LAMA3: variants seen among roughly 807,000 people sequenced by gnomAD.
LAMA3 encodes laminin subunit alpha-3.
LAMA3 carries 281 observed loss-of-function variants against 402.0 expected under a neutral mutation model. That is an observed-to-expected ratio of 0.70 (90% CI 0.63 to 0.77). The LOEUF (loss-of-function observed/expected upper bound fraction) is 0.77, where lower values mean the gene tolerates loss of function less well. Ranked by LOEUF, LAMA3 falls within the 30% of genes least tolerant of loss-of-function variation. The pLI is 0.00. For synonymous variants in LAMA3, 1,431 were observed against 1,558.4 expected (o/e 0.92, Z 1.93); for missense variants, 3,840 against 4,215.5 (o/e 0.91, Z 2.47).
intron 20 of LAMA3, among the ~76,000 whole-genome samples, chr18:23,823,762 G>A (rs2063330378): frequency 6.6e-6 from 1 of 152,188 alleles, no homozygotes; most frequent in Non-Finnish European, 1.5e-5. Context: ...AGATGCAATA[G>A]TTTATTTCTT....
chr18:23,945,669 A>G (rs1441577467), intron 69 of LAMA3, among the ~76,000 whole-genome samples: 1 of 152,184 alleles, frequency 6.6e-6, no homozygotes, highest in Non-Finnish European at 1.5e-5. Flanking sequence ...CCCAGGGATC[A>G]GAAATTTTAG....
At chr18:23,827,499 A>G (rs1018388472) in intron 23 of LAMA3, 32 bp downstream of exon 23, 57 of 1,609,440 alleles carry the variant, frequency 3.5e-5, no homozygotes, top group Non-Finnish European at 4.7e-5. Context: ...TATCAAAGTT[A>G]TTACTACCTC....
intron 39 of LAMA3, 78 bp from the exon 40 acceptor site, chr18:23,881,858 G>A: frequency 2.2e-6 from 2 of 918,682 alleles, no homozygotes; most frequent in African/African-American, 1.6e-5. Flanking sequence ...GTAGTCATGT[G>A]ACTAAGTAAG....
chr18:23,879,670 T>C lies in LAMA3; in HGVS notation c.5113-2266T>C, dbSNP rs1213221801. On this transcript the variant is annotated intron_variant, in intron 39 of 74. Transcript: ENST00000313654. The surrounding 1 kb of genome is among the most constrained non-coding windows in gnomAD (Gnocchi z 4.2). ...CTTCTGCAGCATTCGTTCATTTATT[T>C]ATTCACAGTAAAACACAAGGAACCT... is the stretch of plus-strand genomic sequence containing the variant. 6.6e-6 allele frequency among the ~76,000 whole-genome samples: 1 copy of C among 152,232 alleles called. No individual in the cohort carries two copies. Among genetic ancestry groups the C allele is most frequent in the African/African-American group, 2.4e-5 (1 of 41,466 alleles).
chr18:23,768,090 A>C (rs2062115673), intron 8 of LAMA3, among the ~76,000 whole-genome samples: 1 of 152,124 alleles, frequency 6.6e-6, no homozygotes. Flanking sequence ...TTTATGGCTA[A>C]GTTCTCAAAA....
intron 8 of LAMA3, among the ~76,000 whole-genome samples, chr18:23,770,433 A>G (rs2062170749): frequency 6.6e-6 from 1 of 152,240 alleles, no homozygotes; most frequent in Admixed American, 6.5e-5. Flanking sequence ...ACTTGACAAA[A>G]GTAGATATAT....
Position 23,844,920 on chromosome 18 carries a change from C to T in LAMA3, c.3604-89C>T, listed in dbSNP as rs887526097. 2.2e-5 allele frequency: 17 copies of T among 786,370 alleles called. No homozygotes were observed. The Admixed American group carries it at 2.7e-4, about 12-fold the overall frequency. 48.7% of individuals were successfully genotyped at this position (786,370 alleles called of 1,614,324 possible). A position where few individuals can be genotyped will look rare whatever the true frequency, so the allele number is the denominator to read the frequency against. On this transcript the variant is annotated intron_variant, in intron 29 of 74. Transcript: ENST00000313654. Reference sequence around the variant, plus strand: ...GAAGCATTTCAGATTTTGGATTTTTCGAGTAGGGGTGCTCAACCTGTATAA... The same window carrying T: ...GAAGCATTTCAGATTTTGGATTTTTTGAGTAGGGGTGCTCAACCTGTATAA...
At chr18:23,878,743 A>T (rs1445598159) in intron 39 of LAMA3, among the ~76,000 whole-genome samples, 1 of 152,226 alleles carries the variant, frequency 6.6e-6, no homozygotes, top group Non-Finnish European at 1.5e-5. Flanking sequence ...TAACATCAGG[A>T]CCTTCACCCA....
At position 23,755,233 on chromosome 18, in the gene LAMA3, C is replaced by T. The variant is rs539046751; in HGVS notation, c.947+1421C>T. Among the ~76,000 whole-genome samples, 12 of 152,296 alleles carry T rather than the reference C, an allele frequency of 7.9e-5. 1 individual carries two copies. The South Asian group carries it at 2.3e-3, about 29-fold the overall frequency. On this transcript the variant is annotated intron_variant, in intron 6 of 74. Coordinates refer to ENST00000313654, the MANE Select transcript of LAMA3 (RefSeq NM_198129.4). ...TACTGCCATGTGGGAAAGGAGTACA[C>T]GCCATCACAGAGGGCATGAGCTTCC...
intron 2 of LAMA3, among the ~76,000 whole-genome samples, 165 bp downstream of exon 2, chr18:23,714,237 A>G (rs1437552970): frequency 6.6e-6 from 1 of 152,204 alleles, no homozygotes; most frequent in Non-Finnish European, 1.5e-5. Context: ...AACCCAGAAT[A>G]GGCCAGGCAC....
intron 47 of LAMA3, among the ~76,000 whole-genome samples, chr18:23,899,945 T>C (rs543714154): frequency 1.2e-4 from 18 of 152,226 alleles, no homozygotes; most frequent in Non-Finnish European, 2.6e-4. Flanking sequence ...CTCTTGGAGA[T>C]GGGACCCCAG....
intron 69 of LAMA3, 126 bp downstream of exon 69, chr18:23,944,097 C>A: frequency 1.1e-6 from 1 of 916,920 alleles, no homozygotes; most frequent in Non-Finnish European, 1.7e-6. Context: ...TGTGTGCTTG[C>A]AGGCGCTGCG....
chr18:23,860,042 G>A (rs1368389476), intron 34 of LAMA3, among the ~76,000 whole-genome samples: 1 of 152,100 alleles, frequency 6.6e-6, no homozygotes, highest in African/African-American at 2.4e-5. Context: ...AATTACTATG[G>A]CAAAAGATGC....
intron 2 of LAMA3, among the ~76,000 whole-genome samples, chr18:23,731,900 T>C (rs892230302): frequency 6.6e-6 from 1 of 152,144 alleles, no homozygotes; most frequent in Non-Finnish European, 1.5e-5. Flanking sequence ...ATGCACTTCC[T>C]GGATCTAAAG....
At chr18:23,695,080 T>C (rs2060659511) in intron 1 of LAMA3, among the ~76,000 whole-genome samples, 1 of 152,232 alleles carries the variant, frequency 6.6e-6, no homozygotes, top group Non-Finnish European at 1.5e-5. Context: ...GGCCCTGCTG[T>C]GTCTGATGCA....
chr18:23,850,229 T>A (rs1241142984), intron 32 of LAMA3, among the ~76,000 whole-genome samples: 1 of 152,250 alleles, frequency 6.6e-6, no homozygotes, highest in Non-Finnish European at 1.5e-5. Flanking sequence ...ATTCTCAAAT[T>A]GTATTTAACT....
At chr18:23,709,485 CT>C (rs2060949551) in intron 1 of LAMA3, among the ~76,000 whole-genome samples, 1 of 151,034 alleles carries the variant, frequency 6.6e-6, no homozygotes, top group Non-Finnish European at 1.5e-5. Context: ...TAAAAAAATC[CT>C]TCTTGTTCTT....
chr18:23,894,318 A>G lies in LAMA3; in HGVS notation c.5431A>G (p.Lys1811Glu). The stretch of plus-strand genomic sequence containing the variant: ...TTTAGACTGCATAAACCAAGAACCC[A>G]AAGATAGCAGCCCTGCAGAAGAATG... Reference protein sequence around the residue: ...LTGDCINQEPKDSSPAEECDD... With the variant: ...LTGDCINQEPEDSSPAEECDD... The change falls in exon 43 of 75, where the codon AAA becomes GAA. Residue 1811 changes from lysine to glutamate, a missense_variant. By Grantham distance (56) the Lys-to-Glu change is moderately conservative. Coordinates refer to ENST00000313654, the MANE Select transcript of LAMA3 (RefSeq NM_198129.4). 1 of 1,613,702 alleles carries G rather than the reference A, an allele frequency of 6.2e-7. No homozygotes were observed. The highest frequency in any genetic ancestry group is 1.1e-5 in the South Asian group (1 of 91,076).
At chr18:23,888,788 T>A (rs9989599) in intron 41 of LAMA3, among the ~76,000 whole-genome samples, 1,738 of 152,278 alleles carry the variant, frequency 0.011, 36 homozygotes, top group African/African-American at 0.04. Context: ...CCATATTCCC[T>A]TGAGTCTATC....
Sources: gnomAD v4.1 joint callset for allele counts (sites outside exome capture counted in the v4.1 genomes callset) on GRCh38, gnomAD v4.1.1 for gene constraint, Gnocchi (gnomAD v3.1) non-coding constraint, MANE v1.5 for transcripts, NCBI Gene and HGNC (gene_info 2026-07-23, HGNC 2026-07-21) for gene names.